PFN1: variants seen among roughly 807,000 people sequenced by gnomAD.
PFN1 encodes profilin 1.
PFN1 carries 2 observed loss-of-function variants against 11.7 expected under a neutral mutation model. The ratio of observed to expected loss-of-function variants is 0.17; its 90% CI spans 0.07 to 0.54. PFN1 has a LOEUF of 0.54. Ranked by LOEUF, PFN1 falls within the 20% of genes least tolerant of loss-of-function variation. The pLI is 0.94. For synonymous variants in PFN1, 78 were observed against 76.2 expected, an observed-to-expected ratio of 1.02 and a Z score of -0.12; for missense variants, 97 against 188.4, an observed-to-expected ratio of 0.51 and a Z score of 2.84.
chr17:4,947,600 G>A (rs1007898555), intron 1 of PFN1: 5 of 152,138 alleles, frequency 3.3e-5, no homozygotes, highest in Non-Finnish European at 7.4e-5. Context: ...ATATACTTTC[G>A]CTTATGCTGT....
intron 2 of PFN1, 69 bp downstream of exon 2, chr17:4,946,556 CCCT>C: frequency 7.8e-7 from 1 of 1,289,828 alleles, no homozygotes; most frequent in Non-Finnish European, 1.1e-6. Context: ...CAAAAAAGCA[CCCT>C]CAAGATTACC....
chr17:4,946,424 T>C (rs1319757780), intron 2 of PFN1, among the ~76,000 whole-genome samples: 1 of 152,152 alleles, frequency 6.6e-6, no homozygotes, highest in Non-Finnish European at 1.5e-5. Context: ...GTAATGCAGT[T>C]CAGCAACTTC....
At position 4,946,002 on chromosome 17, in the gene PFN1, A is replaced by C; in HGVS notation, c.326-5T>G. On this transcript the variant is annotated splice_region_variant and splice_polypyrimidine_tract_variant and intron_variant, in intron 2 of 2. Coordinates refer to ENST00000225655, the MANE Select transcript of PFN1 (RefSeq NM_005022.4). ...TGCCCATCAGCAGGACTAGCGCTGG[A>C]GGAGGAGGAAAGAGAAAGGAGGCTA... The C allele has an allele frequency of 1.9e-6, 3 of 1,602,242 alleles. No individual in the cohort carries two copies. Among genetic ancestry groups the C allele is most frequent in the Non-Finnish European group, 2.6e-6 (3 of 1,169,550 alleles).
Position 4,946,664 on chromosome 17 carries a change from G to A in PFN1, c.289C>T (p.Pro97Ser). Reference sequence around the variant, plus strand: ...TTGGTGACAGTGACATTGAAGGTGGGGGCCCCACCGGTGCTCTTGGTACGA... The same window carrying A: ...TTGGTGACAGTGACATTGAAGGTGGAGGCCCCACCGGTGCTCTTGGTACGA... ...DLRTKSTGGA[P>S]TFNVTVTKTD... Residue 97 changes from proline (P) to serine (S), a missense_variant, in exon 2 of 3, where the codon CCC (proline) becomes TCC (serine). Coordinates refer to ENST00000225655, the MANE Select transcript of PFN1 (RefSeq NM_005022.4). The A allele has an allele frequency of 6.2e-7, 1 of 1,613,672 alleles. No homozygotes were observed. The highest frequency in any genetic ancestry group is 8.5e-7 in the Non-Finnish European group (1 of 1,179,730).
chr17:4,946,601 A>C, intron 2 of PFN1, 27 bp downstream of exon 2: 1 of 1,562,300 alleles, frequency 6.4e-7, no homozygotes, highest in Non-Finnish European at 8.7e-7. Flanking sequence ...CTTGGAGCTA[A>C]AGGAAGGGTA....
chr17:4,946,317 C>CA (rs1971392279), intron 2 of PFN1, among the ~76,000 whole-genome samples: 1 of 152,222 alleles, frequency 6.6e-6, no homozygotes, highest in Admixed American at 6.5e-5. Context: ...CAAAAGAACT[C>CA]AAACGATGAA....
chr17:4,946,379 C>A (rs977424118), intron 2 of PFN1, among the ~76,000 whole-genome samples: 2 of 152,194 alleles, frequency 1.3e-5, no homozygotes, highest in Admixed American at 6.5e-5. Flanking sequence ...AAAACAGTTT[C>A]TAATCCGAGC....
At chr17:4,946,083 T>C in intron 2 of PFN1, 86 bp from the exon 3 acceptor site, 2 of 1,007,960 alleles carry the variant, frequency 2.0e-6, no homozygotes, top group South Asian at 1.3e-5. Flanking sequence ...TGTCCAGCCC[T>C]GGGGGCTGTA....
In PFN1 at chr17:4,948,452, G is replaced by A. The variant is rs140177490; in HGVS notation, c.-58C>T. 5 of 1,503,546 alleles carry A rather than the reference G, an allele frequency of 3.3e-6. No homozygotes were observed. Among genetic ancestry groups the A allele is most frequent in the Admixed American group, 2.2e-5 (1 of 45,408 alleles). The allele number at this position is 1,503,546 out of a possible 1,614,324, so 93.1% of individuals were successfully genotyped here. ...TGCTGGGGCCGCGGACTGGGCTCGA[G>A]CTGCCTCGGCTGGCGGGCGGGGGGA... On this transcript the variant is annotated 5_prime_UTR_variant, in exon 1 of 3. Transcript: ENST00000225655.
Position 4,945,828 on chromosome 17 carries a change from G to T in PFN1, c.*72C>A, listed in dbSNP as rs923063598. The T allele has an allele frequency of 1.1e-4, 117 of 1,026,640 alleles. No homozygotes were observed. Among genetic ancestry groups the T allele is most frequent in the Non-Finnish European group, 6.5e-5 (42 of 649,904 alleles). 63.6% of individuals were successfully genotyped at this position (1,026,640 alleles called of 1,614,324 possible). A position where few individuals can be genotyped will look rare whatever the true frequency, so the allele number is the denominator to read the frequency against. ...GGGGTAATGGCCCAAAAAATAAAATGGTTTGTGTGTGTATGGGGAGGAAAG... is the reference window on the plus strand; with the variant it reads ...GGGGTAATGGCCCAAAAAATAAAATTGTTTGTGTGTGTATGGGGAGGAAAG... On this transcript the variant is annotated 3_prime_UTR_variant, in exon 3 of 3. Transcript: ENST00000225655.
chr17:4,946,446 TGAG>T (rs757541359), intron 2 of PFN1, among the ~76,000 whole-genome samples, 179 bp downstream of exon 2: 21 of 152,286 alleles, frequency 1.4e-4, no homozygotes, highest in Non-Finnish European at 2.6e-4. Context: ...AATTACAAGA[TGAG>T]GAACTGAGAC....
rs569207666 is a variant in PFN1 at position 4,946,207 on chromosome 17, G to A, written c.326-210C>T. Reference sequence around the variant, plus strand: ...AAAATCAAGCTTAAACGCTGGAGAGGAACAGACTAAAAACTTAGGGGTCAA... The same window carrying A: ...AAAATCAAGCTTAAACGCTGGAGAGAAACAGACTAAAAACTTAGGGGTCAA... On this transcript the variant is annotated intron_variant, in intron 2 of 2. Coordinates refer to ENST00000225655, the MANE Select transcript of PFN1 (RefSeq NM_005022.4). 2.6e-5 allele frequency among the ~76,000 whole-genome samples: 4 copies of A among 151,926 alleles called. No individual in the cohort carries two copies. In the South Asian group the frequency reaches 8.3e-4, roughly 32 times the overall value.
Position 4,947,621 on chromosome 17 carries a change from C to T in PFN1, c.132+642G>A, listed in dbSNP as rs1263945148. The stretch of plus-strand genomic sequence containing the variant: ...TTTCGCTTATGCTGTCTCAGAACTT[C>T]TCACAAAGTTCCCCTGCTCCAGGCC... On this transcript the variant is annotated intron_variant, in intron 1 of 2. Transcript: ENST00000225655. Among the ~76,000 whole-genome samples, 6 of 152,248 alleles carry T rather than the reference C, an allele frequency of 3.9e-5. No individual in the cohort carries two copies. The East Asian group carries it at 9.7e-4, about 25-fold the overall frequency.
chr17:4,947,891 C>T lies in PFN1; in HGVS notation c.132+372G>A, dbSNP rs546409934. 5.2e-3 allele frequency among the ~76,000 whole-genome samples: 790 copies of T among 152,248 alleles called. 7 individuals are homozygous for T. Among genetic ancestry groups the T allele is most frequent in the African/African-American group, 0.017 (719 of 41,554 alleles). ...GGCAGCCGGACGGGGAGCTGGGGGT[C>T]CAAGGATCCCCGGGTCCCCTCTCAA... On this transcript the variant is annotated intron_variant, in intron 1 of 2. Transcript: ENST00000225655.
At chr17:4,946,914 C>T in intron 1 of PFN1, 94 bp from the exon 2 acceptor site, 1 of 1,112,328 alleles carries the variant, frequency 9.0e-7, no homozygotes, top group Non-Finnish European at 1.3e-6. Context: ...CTTCTGAGAA[C>T]CACCCCGCCG....
rs1372174525 is a variant in PFN1, at chr17:4,946,945, TATACTCAGTACAC to T, written c.133-138_133-126del. On this transcript the variant is annotated intron_variant, in intron 1 of 2. Coordinates refer to ENST00000225655, the MANE Select transcript of PFN1 (RefSeq NM_005022.4). ...CGCCGTGGGGGCTAAGTATAAATTA[TATACTCAGTACAC>T]ATCAATGAACTGTGAGAAACTCTGA... 3 of 712,214 alleles carry T rather than the reference TATACTCAGTACAC, an allele frequency of 4.2e-6. No homozygotes were observed. The East Asian group carries it at 8.0e-5, about 19-fold the overall frequency. The allele number at this position is 712,214 out of a possible 1,614,324, so 44.1% of individuals were successfully genotyped here. A position where few individuals can be genotyped will look rare whatever the true frequency, so the allele number is the denominator to read the frequency against.
intron 1 of PFN1, 64 bp downstream of exon 1, chr17:4,948,199 C>T: frequency 2.7e-6 from 4 of 1,505,474 alleles, no homozygotes; most frequent in Non-Finnish European, 3.6e-6. Flanking sequence ...CCCGCCCCCA[C>T]CCAAGTCCCT....
In PFN1 at chr17:4,945,799, G is replaced by A. The variant is rs1174519345; in HGVS notation, c.*101C>T. 1 of 781,778 alleles carries A rather than the reference G, an allele frequency of 1.3e-6. No individual in the cohort carries two copies. The highest frequency in any genetic ancestry group is 2.0e-5 in the Admixed American group (1 of 50,130). 48.4% of individuals were successfully genotyped at this position (781,778 alleles called of 1,614,324 possible). On this transcript the variant is annotated 3_prime_UTR_variant, in exon 3 of 3. Coordinates refer to ENST00000225655, the MANE Select transcript of PFN1 (RefSeq NM_005022.4). ...CATGTGGTTTTGGCAGCAATAAGGG[G>A]TATGGGGTAATGGCCCAAAAAATAA... is the stretch of plus-strand genomic sequence containing the variant.
rs764829202 is a variant in PFN1, at chr17:4,948,467, G to A, written c.-73C>T. 7 of 1,467,318 alleles carry A rather than the reference G, an allele frequency of 4.8e-6. No individual in the cohort carries two copies. The Admixed American group carries it at 9.9e-5, about 21-fold the overall frequency. 90.9% of individuals were successfully genotyped at this position (1,467,318 alleles called of 1,614,324 possible). On this transcript the variant is annotated 5_prime_UTR_variant, in exon 1 of 3. Coordinates refer to ENST00000225655, the MANE Select transcript of PFN1 (RefSeq NM_005022.4). ...CTGGGCTCGAGCTGCCTCGGCTGGC[G>A]GGCGGGGGGAGGCGGAGAGCTCGGG...
Sources: gnomAD v4.1 joint callset for allele counts (sites outside exome capture counted in the v4.1 genomes callset) on GRCh38, gnomAD v4.1.1 for gene constraint, MANE v1.5 for transcripts, NCBI Gene and HGNC (gene_info 2026-07-23, HGNC 2026-07-21) for gene names.